The following GALNT17 variants were observed in gnomAD, a reference collection of about 807,000 sequenced individuals.
GALNT17 encodes the protein polypeptide N-acetylgalactosaminyltransferase 17, also known as UDP-GalNAc:polypeptide N-acetylgalactosaminyltransferase-like 3.
Under a neutral mutation model 63.7 loss-of-function variants are expected in GALNT17, and 29 were observed. The ratio of observed to expected loss-of-function variants is 0.46; its 90% confidence interval spans 0.34 to 0.62. GALNT17 has a LOEUF of 0.62. Among genes scored for constraint, GALNT17 ranks in the 20% least tolerant of loss-of-function variants. The pLI is 0.01. For synonymous variants in GALNT17, 305 were observed against 318.3 expected, an observed-to-expected ratio of 0.96 and a Z score of 0.45; for missense variants, 603 against 799.6, an observed-to-expected ratio of 0.75 and a Z score of 2.97.
At chr7:71,693,605 G>A (rs971941417) in intron 9 of GALNT17, among the ~76,000 whole-genome samples, 29 of 150,494 alleles carry the variant, frequency 1.9e-4, no homozygotes, top group Admixed American at 1.5e-3. Flanking sequence ...ATGAGAACAC[G>A]TGGACACATA....
intron 2 of GALNT17, among the ~76,000 whole-genome samples, chr7:71,362,645 C>CT (rs1013355249): frequency 6.6e-6 from 1 of 152,140 alleles, no homozygotes; most frequent in African/African-American, 2.4e-5. Flanking sequence ...CTTGCTGTTG[C>CT]TTTTTTTCAT....
At chr7:71,452,188 A>G (rs1031450011) in intron 5 of GALNT17, among the ~76,000 whole-genome samples, 6 of 151,792 alleles carry the variant, frequency 4.0e-5, no homozygotes, top group African/African-American at 1.5e-4. Flanking sequence ...GGCTGCAGTG[A>G]GGTATGATTT....
At chr7:71,245,029 A>G (rs1790068397) in intron 1 of GALNT17, among the ~76,000 whole-genome samples, 1 of 152,088 alleles carries the variant, frequency 6.6e-6, no homozygotes, top group Non-Finnish European at 1.5e-5. Flanking sequence ...TTCTCAGGAA[A>G]AGCAATTAAT....
chr7:71,216,197 A>G (rs1032124427), intron 1 of GALNT17, among the ~76,000 whole-genome samples: 2 of 152,156 alleles, frequency 1.3e-5, no homozygotes, highest in Admixed American at 1.3e-4. Flanking sequence ...AGCATGGGCA[A>G]CAGAGCAAGA....
chr7:71,475,431 A>G (rs1227120271), intron 5 of GALNT17, among the ~76,000 whole-genome samples: 1 of 152,168 alleles, frequency 6.6e-6, no homozygotes, highest in Non-Finnish European at 1.5e-5. Context: ...AGATTCTCAT[A>G]AGGAGCGTGC....
intron 1 of GALNT17, among the ~76,000 whole-genome samples, chr7:71,207,553 A>G (rs912384589): frequency 6.6e-6 from 1 of 150,560 alleles, no homozygotes; most frequent in African/African-American, 2.4e-5. Context: ...AGGATGATAG[A>G]TGCTGGCTCG....
intron 5 of GALNT17, among the ~76,000 whole-genome samples, chr7:71,520,760 G>A (rs553996314): frequency 6.6e-6 from 1 of 152,210 alleles, no homozygotes; most frequent in South Asian, 2.1e-4. Context: ...AGGTGGGAGG[G>A]CAGATGGGTT....
At chr7:71,192,198 A>C (rs938683829) in intron 1 of GALNT17, among the ~76,000 whole-genome samples, 6 of 152,024 alleles carry the variant, frequency 3.9e-5, no homozygotes, top group Non-Finnish European at 7.4e-5. Flanking sequence ...TGCCTGTTTC[A>C]TTCTAGCCAC....
At chr7:71,597,905 A>G (rs144314805) in intron 6 of GALNT17, among the ~76,000 whole-genome samples, 1 of 150,840 alleles carries the variant, frequency 6.6e-6, no homozygotes, top group East Asian at 2.0e-4. Context: ...ACTTTTTCTC[A>G]TGATCCCCTG....
intron 1 of GALNT17, among the ~76,000 whole-genome samples, chr7:71,329,872 TC>T (rs1474740106): frequency 6.6e-6 from 1 of 151,710 alleles, no homozygotes; most frequent in African/African-American, 2.4e-5. Flanking sequence ...ACCTTGGAGG[TC>T]CTTTGGGTGT....
intron 1 of GALNT17, among the ~76,000 whole-genome samples, chr7:71,202,170 T>A (rs1331749931): frequency 6.6e-6 from 1 of 152,198 alleles, no homozygotes. Flanking sequence ...ACAATATAAA[T>A]AAGCAATGAA....
At chr7:71,192,997 A>T (rs922747693) in intron 1 of GALNT17, among the ~76,000 whole-genome samples, 1 of 152,162 alleles carries the variant, frequency 6.6e-6, no homozygotes, top group Non-Finnish European at 1.5e-5. Flanking sequence ...CAGGCTCTGC[A>T]TGAGTAAGTG....
intron 5 of GALNT17, among the ~76,000 whole-genome samples, chr7:71,493,890 A>T (rs1001593488): frequency 6.6e-6 from 1 of 152,148 alleles, no homozygotes; most frequent in Admixed American, 6.5e-5. Flanking sequence ...TCTAATAAAC[A>T]TACTTTACTG....
intron 3 of GALNT17, among the ~76,000 whole-genome samples, chr7:71,389,862 A>G (rs1793018118): frequency 1.3e-5 from 2 of 152,222 alleles, no homozygotes; most frequent in African/African-American, 4.8e-5. Flanking sequence ...CAGCGCTACT[A>G]GGAATGATGG....
At chr7:71,172,908 G>A (rs1788570756) in intron 1 of GALNT17, among the ~76,000 whole-genome samples, 1 of 152,180 alleles carries the variant, frequency 6.6e-6, no homozygotes, top group African/African-American at 2.4e-5. Context: ...GAGAGACTGT[G>A]GAAGAACTGA....
intron 6 of GALNT17, among the ~76,000 whole-genome samples, chr7:71,647,101 G>A (rs2117016293): frequency 6.6e-6 from 1 of 151,516 alleles, no homozygotes; most frequent in South Asian, 2.1e-4. Flanking sequence ...GTCTCGCTCT[G>A]TTACCCAGGC....
In GALNT17 at chr7:71,665,581, G is replaced by T. The variant is rs1490856349; in HGVS notation, c.1251G>T (p.Trp417Cys). ...DDYKSHVYIA[W>C]NLPLENPGID... Reference sequence around the variant, plus strand: ...ACAAGTCTCATGTGTACATAGCGTGGAACCTGCCGCTGGAGGTAGGGATCA... The same window carrying T: ...ACAAGTCTCATGTGTACATAGCGTGTAACCTGCCGCTGGAGGTAGGGATCA... Residue 417 changes from tryptophan (W) to cysteine (C), a missense_variant, in exon 7 of 11, where the codon TGG becomes TGT. Physicochemically the swap from Trp to Cys is radical, Grantham distance 215. This residue lies in a region of GALNT17 where 336 missense variants were observed against 507.8 expected (regional missense o/e 0.66). Transcript: ENST00000333538. 6.2e-7 allele frequency: 1 copy of T among 1,613,096 alleles called. No individual in the cohort carries two copies. Among genetic ancestry groups the T allele is most frequent in the Non-Finnish European group, 8.5e-7 (1 of 1,179,708 alleles).
intron 9 of GALNT17, among the ~76,000 whole-genome samples, chr7:71,701,713 A>G (rs1791634454): frequency 6.8e-6 from 1 of 147,122 alleles, no homozygotes; most frequent in Non-Finnish European, 1.5e-5. Flanking sequence ...GGATAAAGAA[A>G]ATGTGGTGTA....
intron 1 of GALNT17, among the ~76,000 whole-genome samples, chr7:71,310,356 A>G (rs889524986): frequency 8.5e-5 from 13 of 152,236 alleles, no homozygotes; most frequent in Admixed American, 2.0e-4. Flanking sequence ...TATGTGTTCA[A>G]TGGCATCGTC....
Sources: allele counts gnomAD v4.1 joint callset (sites outside exome capture counted in the v4.1 genomes callset), GRCh38; gene constraint gnomAD v4.1.1; regional missense constraint gnomAD v4.1.1; transcripts MANE v1.5; gene names NCBI Gene and HGNC (gene_info 2026-07-23, HGNC 2026-07-21).